The following PRKG1 variants were observed in gnomAD, a reference collection of about 807,000 sequenced individuals.
PRKG1 encodes protein kinase cGMP-dependent 1.
A neutral mutation model predicts 88.1 loss-of-function variants in PRKG1; 35 were observed. That is an observed-to-expected ratio of 0.40 (90% CI 0.30 to 0.53). The LOEUF (loss-of-function observed/expected upper bound fraction) is 0.53. Among genes scored for constraint, PRKG1 ranks in the 20% least tolerant of loss-of-function variants. PRKG1 has a pLI of 0.59. For missense variants in PRKG1, 540 were observed against 839.8 expected (o/e 0.64, Z 4.41); for synonymous variants, 303 against 292.5 (o/e 1.04, Z -0.37).
intron 3 of PRKG1, among the ~76,000 whole-genome samples, chr10:51,471,527 A>G (rs1162072312): frequency 6.6e-6 from 1 of 151,928 alleles, no homozygotes; most frequent in Admixed American, 6.6e-5. Flanking sequence ...CCTCACAGCT[A>G]TAGCAATATC....
chr10:51,706,501 C>A (rs930046720), intron 3 of PRKG1, among the ~76,000 whole-genome samples: 1 of 150,798 alleles, frequency 6.6e-6, no homozygotes, highest in Non-Finnish European at 1.5e-5. Context: ...GAAGGGATTG[C>A]GAAGTCCAGC....
intron 3 of PRKG1, among the ~76,000 whole-genome samples, chr10:51,733,402 A>G (rs1240292117): frequency 1.3e-5 from 2 of 152,198 alleles, no homozygotes; most frequent in Non-Finnish European, 2.9e-5. Context: ...TCTTGATGTT[A>G]TTAATACTAT....
intron 5 of PRKG1, among the ~76,000 whole-genome samples, chr10:52,011,921 T>C (rs1467879228): frequency 6.6e-6 from 1 of 152,192 alleles, no homozygotes; most frequent in Non-Finnish European, 1.5e-5. Flanking sequence ...AAGCCCTCTC[T>C]CTTTGCCTGC....
In PRKG1 at chr10:51,023,449, T is replaced by C. The variant is rs186783138; in HGVS notation, c.266+31805T>C. 1.5e-3 allele frequency among the ~76,000 whole-genome samples: 234 copies of C among 152,282 alleles called. 3 individuals carry two copies. The highest frequency in any genetic ancestry group is 0.013 in the Admixed American group (200 of 15,292). On this transcript the variant is annotated intron_variant, in intron 1 of 17. Transcript: ENST00000401604. ...TCCAGTGAGATTTATCTATAAAGCA[T>C]TGAGAAGTTTGGTACAATAACTGTC...
At chr10:52,058,591 G>C (rs915826593) in intron 6 of PRKG1, among the ~76,000 whole-genome samples, 3 of 152,000 alleles carry the variant, frequency 2.0e-5, no homozygotes, top group African/African-American at 4.8e-5. Flanking sequence ...AACAAATGGT[G>C]ATGGAACCAT....
At chr10:51,120,341 C>T (rs1845230460) in intron 1 of PRKG1, among the ~76,000 whole-genome samples, 1 of 152,056 alleles carries the variant, frequency 6.6e-6, no homozygotes. Flanking sequence ...GCCCAAATCA[C>T]AACAAACTAC....
At chr10:51,264,625 G>T (rs543356283) in intron 2 of PRKG1, among the ~76,000 whole-genome samples, 1 of 152,172 alleles carries the variant, frequency 6.6e-6, no homozygotes, top group South Asian at 2.1e-4. Flanking sequence ...AGATTCCATA[G>T]CACTTGGGCT....
intron 1 of PRKG1, among the ~76,000 whole-genome samples, chr10:51,143,924 T>C (rs1314460121): frequency 1.3e-5 from 2 of 152,090 alleles, no homozygotes; most frequent in Non-Finnish European, 2.9e-5. Flanking sequence ...CTATAGGTTG[T>C]GTCTTCATTC....
At chr10:51,226,520 G>A (rs1838698110) in intron 2 of PRKG1, among the ~76,000 whole-genome samples, 5 of 152,116 alleles carry the variant, frequency 3.3e-5, no homozygotes. Context: ...TTGGCTGTTT[G>A]AATAATCAAC....
In PRKG1 at chr10:52,243,713, C is replaced by A. The variant is rs114205602; in HGVS notation, c.1077-7857C>A. On this transcript the variant is annotated intron_variant, in intron 9 of 17. Transcript: ENST00000373980. Reference sequence around the variant, plus strand: ...AAATAGAAGTAAAAGTATTTGTTATCTTATCTTCACAAAGAATCAGCCAGG... The same window carrying A: ...AAATAGAAGTAAAAGTATTTGTTATATTATCTTCACAAAGAATCAGCCAGG... 2.7e-3 allele frequency among the ~76,000 whole-genome samples: 371 copies of A among 138,928 alleles called. 2 individuals carry two copies. The highest frequency in any genetic ancestry group is 0.011 in the Middle Eastern group (3 of 272). The allele number at this position is 138,928 out of a possible 152,430, so 91.1% of individuals were successfully genotyped here. A position where few individuals can be genotyped will look rare whatever the true frequency, so the allele number is the denominator to read the frequency against.
chr10:51,312,238 T>G (rs1304929977), intron 2 of PRKG1, among the ~76,000 whole-genome samples: 1 of 152,210 alleles, frequency 6.6e-6, no homozygotes, highest in Non-Finnish European at 1.5e-5. Context: ...GCTCAGGACC[T>G]AGCTCTAGGT....
chr10:51,374,000 G>A (rs747786069), intron 2 of PRKG1, among the ~76,000 whole-genome samples: 9 of 149,948 alleles, frequency 6.0e-5, no homozygotes, highest in Non-Finnish European at 1.3e-4. Context: ...AAATTAGCTG[G>A]GGGCGGTGTA....
At chr10:52,165,719 A>G (rs142796713) in intron 9 of PRKG1, among the ~76,000 whole-genome samples, 1 of 152,306 alleles carries the variant, frequency 6.6e-6, no homozygotes, top group East Asian at 1.9e-4. Flanking sequence ...GACTATGCCT[A>G]TTTGGGTAAG....
chr10:51,634,448 G>A lies in PRKG1; in HGVS notation c.592+166612G>A, dbSNP rs529099622. 2.6e-5 allele frequency among the ~76,000 whole-genome samples: 4 copies of A among 152,226 alleles called. No homozygotes were observed. The South Asian group carries it at 8.3e-4, about 32-fold the overall frequency. Reference sequence around the variant, plus strand: ...TTATATAGTTAGGGGAGCCATTCAGGTTTAGACCAGGGAAGATACATCATC... The same window carrying A: ...TTATATAGTTAGGGGAGCCATTCAGATTTAGACCAGGGAAGATACATCATC... On this transcript the variant is annotated intron_variant, in intron 3 of 17. Coordinates refer to ENST00000373980, the MANE Select transcript of PRKG1 (RefSeq NM_006258.4).
intron 5 of PRKG1, among the ~76,000 whole-genome samples, chr10:52,025,045 C>T (rs1845298127): frequency 6.6e-6 from 1 of 152,140 alleles, no homozygotes; most frequent in Admixed American, 6.5e-5. Flanking sequence ...GATGGTATCT[C>T]ATTGTGGTTT....
At chr10:51,605,540 A>G (rs1251864197) in intron 3 of PRKG1, among the ~76,000 whole-genome samples, 1 of 152,224 alleles carries the variant, frequency 6.6e-6, no homozygotes, top group African/African-American at 2.4e-5. Context: ...AGAAACAAAC[A>G]TAATACTTTA....
intron 7 of PRKG1, among the ~76,000 whole-genome samples, chr10:52,130,597 T>C (rs1837226273): frequency 6.6e-6 from 1 of 152,228 alleles, no homozygotes; most frequent in Admixed American, 6.6e-5. Context: ...TATTTTGTGA[T>C]GGTAGTTTGT....
chr10:51,078,363 C>A (rs561599387), intron 1 of PRKG1, among the ~76,000 whole-genome samples: 103 of 150,006 alleles, frequency 6.9e-4, no homozygotes, highest in African/African-American at 2.3e-3. Context: ...GGATTACAGG[C>A]ACGTGCCACC....
intron 3 of PRKG1, among the ~76,000 whole-genome samples, chr10:51,547,080 A>T (rs534829683): frequency 6.6e-6 from 1 of 152,216 alleles, no homozygotes; most frequent in East Asian, 1.9e-4. Flanking sequence ...AACCACCCTG[A>T]AAACAAGAGC....
Sources: gnomAD v4.1 joint callset for allele counts (sites outside exome capture counted in the v4.1 genomes callset) on GRCh38, gnomAD v4.1.1 for gene constraint, MANE v1.5 for transcripts, NCBI Gene and HGNC (gene_info 2026-07-23, HGNC 2026-07-21) for gene names.